The following CDC42SE2 variants were observed in gnomAD, a reference collection of about 807,000 sequenced individuals.
CDC42SE2 encodes the protein CDC42 small effector protein 2.
In CDC42SE2, 3 loss-of-function variants were observed where a neutral mutation model predicts 11.5. That is an observed-to-expected ratio of 0.26 (90% CI 0.12 to 0.67). CDC42SE2 has a LOEUF of 0.67. CDC42SE2 is among the 30% of genes least tolerant of loss of function. CDC42SE2 has a pLI of 0.80. For missense variants in CDC42SE2, 82 were observed against 106.8 expected (o/e 0.77, Z 1.02); for synonymous variants, 33 against 34.8 (o/e 0.95, Z 0.18).
At chr5:131,316,980 G>A (rs748574920) in intron 2 of CDC42SE2, among the ~76,000 whole-genome samples, 26 of 152,002 alleles carry the variant, frequency 1.7e-4, no homozygotes, top group Middle Eastern at 3.2e-3. Context: ...GAAGTCAAGG[G>A]GTATGTTTAT....
intron 2 of CDC42SE2, among the ~76,000 whole-genome samples, chr5:131,338,438 G>T (rs983834251): frequency 2.6e-5 from 4 of 152,158 alleles, no homozygotes; most frequent in Non-Finnish European, 1.5e-5. Flanking sequence ...CTAGTGTTTC[G>T]TAGGCAGTTC....
At chr5:131,232,753 A>C in the CDC42SE2 span, among the ~76,000 whole-genome samples, 3 of 133,756 alleles carry the variant, frequency 2.2e-5, no homozygotes, top group African/African-American at 9.6e-5. Flanking sequence ...AAAAAAAAAA[A>C]AACAAAACAG....
At chr5:131,321,759 A>G (rs906735871) in intron 2 of CDC42SE2, among the ~76,000 whole-genome samples, 4 of 151,908 alleles carry the variant, frequency 2.6e-5, no homozygotes, top group African/African-American at 9.7e-5. Flanking sequence ...GGGTAAAAGG[A>G]AAAAAGGGAT....
Position 131,394,137 on chromosome 5 carries a change from A to ATATC in CDC42SE2, c.*3048_*3051dup, listed in dbSNP as rs1750777186. 1.3e-5 allele frequency: 2 copies of ATATC among 152,458 alleles called. No homozygotes were observed. Among genetic ancestry groups the ATATC allele is most frequent in the East Asian group, 1.9e-4 (1 of 5,318 alleles). The allele number at this position is 152,458 out of a possible 1,614,324, so 9.4% of individuals were successfully genotyped here. A position where few individuals can be genotyped will look rare whatever the true frequency, so the allele number is the denominator to read the frequency against. The stretch of plus-strand genomic sequence containing the variant: ...GAGGTCATTTGTTCCCCATAGCAGC[A>ATATC]TATCTCATTTTTAAATTGAAGCGAA... On this transcript the variant is annotated 3_prime_UTR_variant, in exon 5 of 5. Coordinates refer to ENST00000505065, the MANE Select transcript of CDC42SE2 (RefSeq NM_001375635.1).
intron 3 of CDC42SE2, among the ~76,000 whole-genome samples, chr5:131,376,454 A>G (rs1393745878): frequency 6.6e-6 from 1 of 152,126 alleles, no homozygotes; most frequent in Non-Finnish European, 1.5e-5. Flanking sequence ...AGTACTCTTT[A>G]TTACCCACTT....
At chr5:131,281,901 C>T (rs1561570996) in intron 1 of CDC42SE2, among the ~76,000 whole-genome samples, 1 of 152,140 alleles carries the variant, frequency 6.6e-6, no homozygotes, top group South Asian at 2.1e-4. Context: ...TGAAGTAATG[C>T]ACATAAAGCA....
At chr5:131,298,671 G>T (rs780508849) in intron 1 of CDC42SE2, among the ~76,000 whole-genome samples, 3 of 151,650 alleles carry the variant, frequency 2.0e-5, no homozygotes, top group Non-Finnish European at 4.4e-5. Context: ...TAGTGGCTTT[G>T]TTACCACCAT....
chr5:131,315,652 C>T (rs1758026177), intron 1 of CDC42SE2, among the ~76,000 whole-genome samples: 1 of 152,130 alleles, frequency 6.6e-6, no homozygotes, highest in Non-Finnish European at 1.5e-5. Flanking sequence ...ATGTAAAGTC[C>T]TGATTTATAA....
At chr5:131,324,231 A>G (rs1312934715) in intron 2 of CDC42SE2, among the ~76,000 whole-genome samples, 1 of 152,168 alleles carries the variant, frequency 6.6e-6, no homozygotes, top group Non-Finnish European at 1.5e-5. Flanking sequence ...GAGTATTAGA[A>G]GTCATTTTTT....
intron 1 of CDC42SE2, among the ~76,000 whole-genome samples, chr5:131,247,127 T>G (rs969180219): frequency 5.9e-5 from 9 of 152,176 alleles, no homozygotes; most frequent in African/African-American, 1.9e-4. Flanking sequence ...TCTTGCTAGG[T>G]TTTTAGTAGT....
the CDC42SE2 span, among the ~76,000 whole-genome samples, chr5:131,237,060 T>C: frequency 1.3e-5 from 2 of 152,202 alleles, no homozygotes; most frequent in Non-Finnish European, 2.9e-5. Context: ...AAAATAAAAT[T>C]GTTTGTGGGA....
At chr5:131,289,201 G>A (rs529434794) in intron 1 of CDC42SE2, among the ~76,000 whole-genome samples, 82 of 152,300 alleles carry the variant, frequency 5.4e-4, no homozygotes, top group African/African-American at 1.9e-3. Context: ...ACTTTAATGG[G>A]AAGTACTGCT....
At chr5:131,326,106 ATT>A (rs552218201) in intron 2 of CDC42SE2, among the ~76,000 whole-genome samples, 3 of 143,426 alleles carry the variant, frequency 2.1e-5, no homozygotes, top group African/African-American at 2.5e-5. Context: ...TACAAACGAG[ATT>A]TTTTTTTTTT....
chr5:131,348,751 G>C (rs941098020), intron 2 of CDC42SE2, among the ~76,000 whole-genome samples: 1 of 151,936 alleles, frequency 6.6e-6, no homozygotes, highest in Non-Finnish European at 1.5e-5. Flanking sequence ...ATACTACAAG[G>C]CTACAGTAAC....
chr5:131,211,893 G>A, the CDC42SE2 span, among the ~76,000 whole-genome samples: 4 of 151,032 alleles, frequency 2.6e-5, no homozygotes, highest in African/African-American at 9.8e-5. Context: ...TGAGGTGGGA[G>A]GATCATTTGA....
rs113687054 is a variant in CDC42SE2, at chr5:131,303,877, TATG to T, written c.-454-12095_-454-12093del. On this transcript the variant is annotated intron_variant, in intron 1 of 4. Coordinates refer to ENST00000505065, the MANE Select transcript of CDC42SE2 (RefSeq NM_001375635.1). ...AAATGCATTCTTGTCTTCATAGCAATATGATGGAACTGAGACTGATTATCTTGG... is the reference window on the plus strand; with the variant it reads ...AAATGCATTCTTGTCTTCATAGCAATATGGAACTGAGACTGATTATCTTGG... Among the ~76,000 whole-genome samples, 1,371 of 152,278 alleles carry T rather than the reference TATG, an allele frequency of 9.0e-3. 23 individuals are homozygous for T. Among genetic ancestry groups the T allele is most frequent in the African/African-American group, 0.032 (1,311 of 41,556 alleles).
chr5:131,328,222 G>T (rs954651465), intron 2 of CDC42SE2, among the ~76,000 whole-genome samples: 2 of 152,106 alleles, frequency 1.3e-5, no homozygotes, highest in African/African-American at 2.4e-5. Context: ...TATGGATAAA[G>T]GATTGTGGAT....
chr5:131,300,550 C>T (rs1442609291), intron 1 of CDC42SE2, among the ~76,000 whole-genome samples: 2 of 151,950 alleles, frequency 1.3e-5, no homozygotes, highest in African/African-American at 2.4e-5. Flanking sequence ...TTTGGGAGGC[C>T]GAGGCGGGCG....
chr5:131,265,450 A>AG (rs1756839648), intron 1 of CDC42SE2, among the ~76,000 whole-genome samples: 4 of 152,106 alleles, frequency 2.6e-5, no homozygotes, highest in Admixed American at 6.6e-5. Flanking sequence ...CTCTAAATTT[A>AG]GGGGGGGAAA....
Sources: gnomAD v4.1 joint callset for allele counts (sites outside exome capture counted in the v4.1 genomes callset) on GRCh38, gnomAD v4.1.1 for gene constraint, MANE v1.5 for transcripts, NCBI Gene and HGNC (gene_info 2026-07-23, HGNC 2026-07-21) for gene names.